Variants in CMSS1 observed in about 807,000 individuals in gnomAD.
CMSS1 encodes protein CMSS1.
A neutral mutation model predicts 43.5 loss-of-function variants in CMSS1; 33 were observed. The observed-to-expected ratio is 0.76, with a 90% CI of 0.57 to 1.01. CMSS1 has a LOEUF of 1.01. Among genes scored for constraint, CMSS1 ranks in the 50% least tolerant of loss-of-function variants. The pLI is 0.00. For missense variants in CMSS1, 313 were observed against 326.4 expected (o/e 0.96, Z 0.32); for synonymous variants, 115 against 117.2 (o/e 0.98, Z 0.12).
rs2067112373 is a variant in CMSS1, at chr3:100,171,819, C to T, written c.519-20C>T. On this transcript the variant is annotated intron_variant, in intron 6 of 9. Coordinates refer to ENST00000421999, the MANE Select transcript of CMSS1 (RefSeq NM_032359.4). ...GAATGAGTTGGTTTTCTTAAGCATT[C>T]ACCTGCTTCTTTTCATTAGGTCGAT... 6.2e-7 allele frequency: 1 copy of T among 1,610,598 alleles called. No individual in the cohort carries two copies. The highest frequency in any genetic ancestry group is 8.5e-7 in the Non-Finnish European group (1 of 1,176,940).
At chr3:99,833,318 G>A (rs1942762775) in intron 1 of CMSS1, 1 of 1,455,092 alleles carries the variant, frequency 6.9e-7, no homozygotes, top group Non-Finnish European at 9.6e-7. Flanking sequence ...AATTCTAAAA[G>A]TGTTGGTTTG....
At chr3:99,970,857 A>T (rs1028893698) in intron 1 of CMSS1, among the ~76,000 whole-genome samples, 4 of 152,210 alleles carry the variant, frequency 2.6e-5, no homozygotes, top group Admixed American at 2.6e-4. Context: ...GATATTATAG[A>T]TAAATGTTGG....
intron 1 of CMSS1, among the ~76,000 whole-genome samples, chr3:99,954,104 A>T (rs1228020774): frequency 2.0e-5 from 3 of 152,268 alleles, no homozygotes; most frequent in Non-Finnish European, 2.9e-5. Context: ...AGCAAGCTGT[A>T]TGAGGGCTCA....
rs192036803 is a variant in CMSS1 at position 99,995,677 on chromosome 3, C to G, written c.65-151296C>G. Among the ~76,000 whole-genome samples, 101 of 152,356 alleles carry G rather than the reference C, an allele frequency of 6.6e-4. 1 individual carries two copies. The highest frequency in any genetic ancestry group is 2.6e-3 in the Admixed American group (40 of 15,304). On this transcript the variant is annotated intron_variant, in intron 1 of 9. Coordinates refer to ENST00000421999, the MANE Select transcript of CMSS1 (RefSeq NM_032359.4). Reference sequence around the variant, plus strand: ...GGCGTTTCCATACATCTTCTGACATCTAGGCAGAGGTTCCCAAACCCCAAT... The same window carrying G: ...GGCGTTTCCATACATCTTCTGACATGTAGGCAGAGGTTCCCAAACCCCAAT...
intron 1 of CMSS1, among the ~76,000 whole-genome samples, chr3:99,825,990 A>G (rs1022472628): frequency 1.3e-5 from 2 of 151,662 alleles, no homozygotes; most frequent in Non-Finnish European, 2.9e-5. Context: ...GTTAGGCAGG[A>G]TGGTCTTGAT....
chr3:99,921,113 T>G (rs892511442), intron 1 of CMSS1, among the ~76,000 whole-genome samples: 1 of 152,186 alleles, frequency 6.6e-6, no homozygotes, highest in African/African-American at 2.4e-5. Context: ...TCTTTGACCC[T>G]TCAGGATAAG....
At chr3:100,093,461 A>G (rs556856997) in intron 1 of CMSS1, among the ~76,000 whole-genome samples, 1 of 152,298 alleles carries the variant, frequency 6.6e-6, no homozygotes, top group Non-Finnish European at 1.5e-5. Context: ...TACAAAAAAT[A>G]TATACTTTTA....
chr3:100,108,278 A>G (rs2066427598), intron 1 of CMSS1, among the ~76,000 whole-genome samples: 1 of 152,120 alleles, frequency 6.6e-6, no homozygotes. Flanking sequence ...AAGACTGATT[A>G]TTTTTTATAG....
At chr3:99,999,040 T>G (rs1709767949) in intron 1 of CMSS1, among the ~76,000 whole-genome samples, 1 of 152,238 alleles carries the variant, frequency 6.6e-6, no homozygotes, top group African/African-American at 2.4e-5. Flanking sequence ...AAGCCTTCCG[T>G]GCCTCCCATA....
At chr3:100,026,745 C>G (rs978090758) in intron 1 of CMSS1, among the ~76,000 whole-genome samples, 1 of 152,074 alleles carries the variant, frequency 6.6e-6, no homozygotes, top group South Asian at 2.1e-4. Context: ...TACTGTGGTC[C>G]AAACCACCAC....
At chr3:99,949,458 T>C (rs1443161242) in intron 1 of CMSS1, among the ~76,000 whole-genome samples, 2 of 152,236 alleles carry the variant, frequency 1.3e-5, no homozygotes, top group Non-Finnish European at 2.9e-5. Context: ...AAGTCAGGAA[T>C]GCATAACTGT....
intron 1 of CMSS1, among the ~76,000 whole-genome samples, chr3:99,873,897 A>C (rs1705370263): frequency 6.6e-6 from 1 of 152,234 alleles, no homozygotes; most frequent in Non-Finnish European, 1.5e-5. Context: ...CTTACTAAGC[A>C]TAAAATTATT....
intron 1 of CMSS1, among the ~76,000 whole-genome samples, chr3:100,116,627 C>T (rs913555123): frequency 2.0e-5 from 3 of 152,164 alleles, no homozygotes; most frequent in South Asian, 2.1e-4. Flanking sequence ...CAAACACACA[C>T]GCGCGCCTAT....
intron 1 of CMSS1, among the ~76,000 whole-genome samples, chr3:99,933,000 C>T (rs1357733214): frequency 1.3e-5 from 2 of 152,194 alleles, no homozygotes; most frequent in Admixed American, 6.5e-5. Context: ...TGTATTAGCT[C>T]ATTCAAGTCT....
intron 1 of CMSS1, chr3:100,075,737 G>A (rs889983158): frequency 1.3e-5 from 2 of 152,080 alleles, no homozygotes; most frequent in African/African-American, 4.8e-5. Flanking sequence ...TAGATTTGGG[G>A]AGAATTTCAT....
At position 100,059,930 on chromosome 3, in the gene CMSS1, T is replaced by A. The variant is rs192213548; in HGVS notation, c.65-87043T>A. Among the ~76,000 whole-genome samples the A allele has an allele frequency of 2.6e-5, 4 of 151,964 alleles. No homozygotes were observed. In the East Asian group the frequency reaches 7.8e-4, roughly 29 times the overall value. On this transcript the variant is annotated intron_variant, in intron 1 of 9. Transcript: ENST00000421999. ...ACCTATGAGCCTCCAGTCTGGGGAG[T>A]TCTGGCCTCGTTAGTGAGGTAAATC... is the stretch of plus-strand genomic sequence containing the variant.
At chr3:100,010,475 G>A (rs1710112502) in intron 1 of CMSS1, among the ~76,000 whole-genome samples, 1 of 152,108 alleles carries the variant, frequency 6.6e-6, no homozygotes, top group Non-Finnish European at 1.5e-5. Context: ...ATGGTATTTA[G>A]AAAGGACCAT....
chr3:99,926,901 G>A lies in CMSS1; in HGVS notation c.64+108858G>A, dbSNP rs556137877. On this transcript the variant is annotated intron_variant, in intron 1 of 9. Coordinates refer to ENST00000421999, the MANE Select transcript of CMSS1 (RefSeq NM_032359.4). ...CTTCATTTATTCCATGACCCCCTAAGTGGTCTCCCTTCCTCTAGCCTTACC... is the reference window on the plus strand; with the variant it reads ...CTTCATTTATTCCATGACCCCCTAAATGGTCTCCCTTCCTCTAGCCTTACC... 7.2e-5 allele frequency among the ~76,000 whole-genome samples: 11 copies of A among 152,246 alleles called. No individual in the cohort carries two copies. In the East Asian group the frequency reaches 9.7e-4, roughly 13 times the overall value.
rs1275681986 is a variant in CMSS1, at chr3:100,080,315, AAG to A, written c.65-66655_65-66654del. ...TTCTTAAAGCTCTCATAACCTAGCT[AAG>A]AGGGGGAAAAAAAAATTTAATAACT... On this transcript the variant is annotated intron_variant, in intron 1 of 9. Coordinates refer to ENST00000421999, the MANE Select transcript of CMSS1 (RefSeq NM_032359.4). Among the ~76,000 whole-genome samples the A allele has an allele frequency of 3.0e-4, 43 of 145,326 alleles. No homozygotes were observed. In the South Asian group the frequency reaches 4.3e-3, roughly 15 times the overall value.
Sources: gnomAD v4.1 joint callset for allele counts (sites outside exome capture counted in the v4.1 genomes callset) on GRCh38, gnomAD v4.1.1 for gene constraint, MANE v1.5 for transcripts, NCBI Gene and HGNC (gene_info 2026-07-23, HGNC 2026-07-21) for gene names.